PIWIL1: variants seen among roughly 807,000 people sequenced by gnomAD.
The protein encoded by PIWIL1 is piwi-like protein 1.
PIWIL1 carries 73 observed loss-of-function variants against 114.4 expected under a neutral mutation model. The ratio of observed to expected loss-of-function variants is 0.64; its 90% CI spans 0.53 to 0.78. PIWIL1 has a LOEUF of 0.78. Among genes scored for constraint, PIWIL1 ranks in the 30% least tolerant of loss-of-function variants. The probability of loss-of-function intolerance (pLI) is 0.00; values close to 1 mark genes in which losing one functional copy is unlikely to be tolerated. For missense variants in PIWIL1, 723 were observed against 1,063.1 expected (o/e 0.68, Z 4.45); for synonymous variants, 375 against 369.0 (o/e 1.02, Z -0.19).
downstream of PIWIL1, among the ~76,000 whole-genome samples, chr12:130,375,533 G>A (rs1358933372): frequency 6.6e-6 from 1 of 152,198 alleles, no homozygotes; most frequent in Non-Finnish European, 1.5e-5. Context: ...GGCACGCACG[G>A]TCTGTGCACT....
At chr12:130,405,408 T>G in the PIWIL1 span, among the ~76,000 whole-genome samples, 1 of 152,194 alleles carries the variant, frequency 6.6e-6, no homozygotes, top group African/African-American at 2.4e-5. Context: ...TTGCCGATTC[T>G]GATAAAGGCG....
chr12:130,425,177 A>C, the PIWIL1 span: 1 of 248,954 alleles, frequency 4.0e-6, no homozygotes, highest in Non-Finnish European at 7.6e-6. Context: ...CACAGTGCCC[A>C]CGGTACCGCT....
At chr12:130,367,361 T>G in intron 19 of PIWIL1, 103 bp downstream of exon 19, 1 of 1,071,518 alleles carries the variant, frequency 9.3e-7, no homozygotes, top group Admixed American at 2.8e-5. Context: ...ACTTTTGTTC[T>G]TATATTTTTT....
the PIWIL1 span, among the ~76,000 whole-genome samples, chr12:130,410,861 T>C: frequency 6.6e-6 from 1 of 152,236 alleles, no homozygotes; most frequent in African/African-American, 2.4e-5. Flanking sequence ...CCTCTCCATA[T>C]ACATTTTAGA....
chr12:130,403,033 T>TA, the PIWIL1 span, among the ~76,000 whole-genome samples: 1 of 152,176 alleles, frequency 6.6e-6, no homozygotes, highest in Non-Finnish European at 1.5e-5. Flanking sequence ...GGTCCCTGCT[T>TA]ACGCTTGTTT....
At chr12:130,346,335 A>C (rs1259104293) in intron 4 of PIWIL1, 35 bp from the exon 5 acceptor site, 3 of 1,486,882 alleles carry the variant, frequency 2.0e-6, no homozygotes, top group African/African-American at 1.4e-5. Context: ...AATAAACTTG[A>C]TATTTTGTTA....
chr12:130,378,192 G>A, the PIWIL1 span, among the ~76,000 whole-genome samples: 3 of 152,302 alleles, frequency 2.0e-5, no homozygotes, highest in South Asian at 6.2e-4. Context: ...GGGACCAGAT[G>A]CAGCAGTGAC....
intron 12 of PIWIL1, 90 bp downstream of exon 12, chr12:130,355,757 C>T (rs1235151059): frequency 1.0e-5 from 9 of 891,572 alleles, no homozygotes; most frequent in Non-Finnish European, 1.3e-5. Flanking sequence ...GCAATCTCAG[C>T]TCACTGCAAG....
chr12:130,353,141 T>A (rs897888694), intron 9 of PIWIL1, among the ~76,000 whole-genome samples: 2 of 152,168 alleles, frequency 1.3e-5, no homozygotes, highest in Admixed American at 1.3e-4. Flanking sequence ...GTTCCTCTGG[T>A]GTGCTCAGGG....
intron 18 of PIWIL1, among the ~76,000 whole-genome samples, chr12:130,366,279 A>T (rs1168001205): frequency 6.6e-6 from 1 of 152,100 alleles, no homozygotes; most frequent in Non-Finnish European, 1.5e-5. Flanking sequence ...CTTCAGAAGG[A>T]TTTGAAGTGA....
rs150970408 is a variant in PIWIL1 at position 130,345,882 on chromosome 12, G to T, written c.316+4G>T. On this transcript the variant is annotated splice_donor_region_variant and intron_variant, in intron 4 of 20. Transcript: ENST00000245255. ...CATGTTAAAGAATCAAAAACAGGTA[G>T]GTTAATTAAGAATAAGTTTTGTGAG... The T allele has an allele frequency of 2.7e-5, 43 of 1,612,504 alleles. 1 individual carries two copies. The African/African-American group carries it at 4.4e-4, about 17-fold the overall frequency.
rs1307187537 is a variant in PIWIL1, at chr12:130,349,953, G to C, written c.1030G>C (p.Glu344Gln). 2.5e-6 allele frequency: 4 copies of C among 1,600,766 alleles called. No homozygotes were observed. Among genetic ancestry groups the C allele is most frequent in the Non-Finnish European group, 2.6e-6 (3 of 1,169,856 alleles). The change falls in exon 9 of 21, where the codon GAA becomes CAA. Residue 344 changes from glutamate to glutamine, a missense_variant. Coordinates refer to ENST00000245255, the MANE Select transcript of PIWIL1 (RefSeq NM_004764.5). ...CGACGGCTCTGAAGTCAGCTTCTTAGAATACTACAGGAAGGTAAGATGCCA... is the reference window on the plus strand; with the variant it reads ...CGACGGCTCTGAAGTCAGCTTCTTACAATACTACAGGAAGGTAAGATGCCA... ...KADGSEVSFL[E>Q]YYRKQYNQEI... is the part of the protein sequence containing the mutation.
intron 8 of PIWIL1, 79 bp downstream of exon 8, chr12:130,349,515 A>C: frequency 1.0e-6 from 1 of 962,198 alleles, no homozygotes; most frequent in Admixed American, 2.1e-5. Flanking sequence ...CATGTTAAGA[A>C]ATAGTGTTTA....
intron 9 of PIWIL1, among the ~76,000 whole-genome samples, chr12:130,350,608 C>A (rs2073186749): frequency 6.6e-6 from 1 of 152,176 alleles, no homozygotes. Context: ...AACATTGTTT[C>A]AGTACTCAGA....
At chr12:130,408,620 C>T in the PIWIL1 span, among the ~76,000 whole-genome samples, 5 of 152,166 alleles carry the variant, frequency 3.3e-5, no homozygotes, top group Admixed American at 6.5e-5. Context: ...ACTCTCAGGA[C>T]GTAAGGAGGC....
the PIWIL1 span, among the ~76,000 whole-genome samples, chr12:130,412,406 T>C: frequency 6.6e-6 from 1 of 152,198 alleles, no homozygotes; most frequent in African/African-American, 2.4e-5. Context: ...CACTTAGGTG[T>C]ATCTGTGTCC....
chr12:130,362,716 A>T, intron 16 of PIWIL1, 50 bp from the exon 17 acceptor site: 1 of 1,509,680 alleles, frequency 6.6e-7, no homozygotes, highest in African/African-American at 1.4e-5. Flanking sequence ...AGAAAGGAAA[A>T]ATTGATAGAC....
At chr12:130,394,312 G>C in the PIWIL1 span, among the ~76,000 whole-genome samples, 1 of 152,228 alleles carries the variant, frequency 6.6e-6, no homozygotes, top group Non-Finnish European at 1.5e-5. Context: ...CCAGCTGGCA[G>C]CACAAGGGCC....
At chr12:130,360,508 C>A (rs1435215246) in intron 14 of PIWIL1, among the ~76,000 whole-genome samples, 1 of 152,174 alleles carries the variant, frequency 6.6e-6, no homozygotes, top group Non-Finnish European at 1.5e-5. Context: ...TGGTGCGAAC[C>A]TGTAGTCCCA....
Sources: gnomAD v4.1 joint callset for allele counts (sites outside exome capture counted in the v4.1 genomes callset) on GRCh38, gnomAD v4.1.1 for gene constraint, MANE v1.5 for transcripts, NCBI Gene and HGNC (gene_info 2026-07-23, HGNC 2026-07-21) for gene names.